The following AGAP1 variants were observed in gnomAD, a reference collection of about 807,000 sequenced individuals.
AGAP1 encodes the protein ArfGAP with GTPase domain, ankyrin repeat and PH domain 1.
A neutral mutation model predicts 105.3 loss-of-function variants in AGAP1; 29 were observed. The ratio of observed to expected loss-of-function variants is 0.28; its 90% CI spans 0.21 to 0.38. The LOEUF is 0.38. AGAP1 is among the 10% of genes least tolerant of loss of function. The probability of loss-of-function intolerance (pLI) is 1.00; values close to 1 mark genes in which losing one functional copy is unlikely to be tolerated. For synonymous variants in AGAP1, 509 were observed against 485.9 expected (o/e 1.05, Z -0.63); for missense variants, 998 against 1,165.1 (o/e 0.86, Z 2.09).
chr2:235,719,357 G>T lies in AGAP1; in HGVS notation c.310+1713G>T, dbSNP rs192893233. On this transcript the variant is annotated intron_variant, in intron 3 of 17. Coordinates refer to ENST00000304032, the MANE Select transcript of AGAP1 (RefSeq NM_001037131.3). The surrounding 1 kb of genome is among the most constrained non-coding windows in gnomAD (Gnocchi z 4.9). Reference sequence around the variant, plus strand: ...TGGCTTTTCGCTGTTTTCCCTTTGGGCATTCACAGTGTGTTCCATTGTATT... The same window carrying T: ...TGGCTTTTCGCTGTTTTCCCTTTGGTCATTCACAGTGTGTTCCATTGTATT... 2.0e-5 allele frequency among the ~76,000 whole-genome samples: 3 copies of T among 152,136 alleles called. No individual in the cohort carries two copies. Among genetic ancestry groups the T allele is most frequent in the South Asian group, 2.1e-4 (1 of 4,818 alleles).
intron 1 of AGAP1, among the ~76,000 whole-genome samples, chr2:235,564,757 G>C (rs1944288702): frequency 7.0e-6 from 1 of 142,534 alleles, no homozygotes. Flanking sequence ...CCCAGGGCCA[G>C]GTGTGAGCCT....
intron 9 of AGAP1, among the ~76,000 whole-genome samples, chr2:235,827,108 A>C (rs914630942): frequency 6.6e-6 from 1 of 152,202 alleles, no homozygotes; most frequent in African/African-American, 2.4e-5. Flanking sequence ...AGAGGAGAGG[A>C]AATACATCCC....
chr2:235,902,541 C>T (rs1243577621), intron 10 of AGAP1, among the ~76,000 whole-genome samples: 5 of 152,146 alleles, frequency 3.3e-5, no homozygotes, highest in Middle Eastern at 3.2e-3. Context: ...CATCATATAA[C>T]ATCAAAAATT....
intron 1 of AGAP1, among the ~76,000 whole-genome samples, chr2:235,511,393 A>AG (rs948598882): frequency 6.6e-6 from 1 of 151,736 alleles, no homozygotes; most frequent in African/African-American, 2.4e-5. Context: ...GCCCTCAGGG[A>AG]GGGGGGCAGC....
intron 1 of AGAP1, among the ~76,000 whole-genome samples, chr2:235,698,189 T>A (rs1559365231): frequency 1.3e-5 from 2 of 152,064 alleles, no homozygotes; most frequent in Non-Finnish European, 2.9e-5. Context: ...GAGACTCTAA[T>A]GCCGCCGCTG....
At chr2:236,099,022 C>T (rs779868350) in intron 16 of AGAP1, among the ~76,000 whole-genome samples, 7 of 152,022 alleles carry the variant, frequency 4.6e-5, no homozygotes, top group Non-Finnish European at 8.8e-5. Flanking sequence ...GTCCTAGGAG[C>T]AGACTAGCCC....
intron 1 of AGAP1, among the ~76,000 whole-genome samples, chr2:235,708,457 C>A (rs1034499187): frequency 6.6e-6 from 1 of 152,100 alleles, no homozygotes; most frequent in East Asian, 1.9e-4. Flanking sequence ...TGTGCACAGG[C>A]AGTCAGGGGA....
chr2:235,579,602 C>G (rs1442773066), intron 1 of AGAP1, among the ~76,000 whole-genome samples: 4 of 151,966 alleles, frequency 2.6e-5, no homozygotes, highest in African/African-American at 9.7e-5. Context: ...AGTGAAACCC[C>G]GTCTCTACTA....
intron 1 of AGAP1, among the ~76,000 whole-genome samples, chr2:235,619,245 G>T (rs1946399344): frequency 6.6e-6 from 1 of 152,198 alleles, no homozygotes; most frequent in Non-Finnish European, 1.5e-5. Flanking sequence ...AGGACAGGGC[G>T]ATCCCCACTT....
At position 235,957,907 on chromosome 2, in the gene AGAP1, A is replaced by C. The variant is rs914316677; in HGVS notation, c.1484-10555A>C. Among the ~76,000 whole-genome samples, 1 of 152,120 alleles carries C rather than the reference A, an allele frequency of 6.6e-6. No individual in the cohort carries two copies. Among genetic ancestry groups the C allele is most frequent in the Non-Finnish European group, 1.5e-5 (1 of 68,026 alleles). ...AATGGGCCTGTCTTTGATAATTTTA[A>C]ATTATTTTAATACCAAGCAAAAAAG... On this transcript the variant is annotated intron_variant, in intron 12 of 17. Coordinates refer to ENST00000304032, the MANE Select transcript of AGAP1 (RefSeq NM_001037131.3). The surrounding 1 kb of genome is among the most constrained non-coding windows in gnomAD (Gnocchi z 4.6).
chr2:235,516,079 G>A (rs1434961198), intron 1 of AGAP1, among the ~76,000 whole-genome samples: 1 of 147,898 alleles, frequency 6.8e-6, no homozygotes, highest in Non-Finnish European at 1.5e-5. Context: ...TGCTGCTGCT[G>A]CTGCTGCTGC....
chr2:235,745,140 G>A (rs1417674261), intron 5 of AGAP1, among the ~76,000 whole-genome samples: 1 of 151,798 alleles, frequency 6.6e-6, no homozygotes, highest in Admixed American at 6.6e-5. Flanking sequence ...TATATGTTTT[G>A]TATATATATA....
rs1444154261 is a variant in AGAP1 at position 235,877,738 on chromosome 2, C to T, written c.1051-5607C>T. Among the ~76,000 whole-genome samples the T allele has an allele frequency of 2.0e-5, 3 of 152,302 alleles. No homozygotes were observed. The highest frequency in any genetic ancestry group is 6.8e-3 in the Middle Eastern group (2 of 294). ...GAAATTATGGTTCCAGAGAAAATGA[C>T]AGGTTTCCCTTGCATCTCAAATTTG... On this transcript the variant is annotated intron_variant, in intron 9 of 17. Transcript: ENST00000304032. The surrounding 1 kb of genome is among the most constrained non-coding windows in gnomAD (Gnocchi z 4.3).
chr2:236,048,054 G>T (rs567745510), intron 15 of AGAP1, among the ~76,000 whole-genome samples: 2 of 152,326 alleles, frequency 1.3e-5, no homozygotes, highest in African/African-American at 4.8e-5. Flanking sequence ...TCTCCCCAGT[G>T]AGTCAAATGT....
At chr2:235,580,645 A>G (rs565095619) in intron 1 of AGAP1, among the ~76,000 whole-genome samples, 1 of 152,240 alleles carries the variant, frequency 6.6e-6, no homozygotes, top group Admixed American at 6.5e-5. Flanking sequence ...GAGTTTATTG[A>G]GAATGGTTTT....
At chr2:235,694,711 G>A (rs1416117858) in intron 1 of AGAP1, among the ~76,000 whole-genome samples, 6 of 152,108 alleles carry the variant, frequency 3.9e-5, no homozygotes, top group African/African-American at 1.4e-4. Context: ...GCTCCTCCTC[G>A]TCTTGCTCAG....
At chr2:235,509,395 C>A (rs1027573282) in intron 1 of AGAP1, among the ~76,000 whole-genome samples, 1 of 151,920 alleles carries the variant, frequency 6.6e-6, no homozygotes, top group Admixed American at 6.6e-5. Flanking sequence ...CAACCACGCC[C>A]GGCTAATTTT....
chr2:236,003,356 C>A lies in AGAP1; in HGVS notation c.1646-33205C>A, dbSNP rs887770756. Among the ~76,000 whole-genome samples, 1 of 152,286 alleles carries A rather than the reference C, an allele frequency of 6.6e-6. No individual in the cohort carries two copies. The highest frequency in any genetic ancestry group is 2.1e-4 in the South Asian group (1 of 4,822). On this transcript the variant is annotated intron_variant, in intron 13 of 17. Transcript: ENST00000304032. The surrounding 1 kb of genome is among the most constrained non-coding windows in gnomAD (Gnocchi z 4.2). ...CACCACGCCCAGCCCAGGATGCTTT[C>A]TTTTCATGGGTCTTTGTCCTTTGGA...
rs1378269777 is a variant in AGAP1, at chr2:235,967,582, C to T, written c.1484-880C>T. On this transcript the variant is annotated intron_variant, in intron 12 of 17. Transcript: ENST00000304032. This position sits in a 1 kb window ranked among gnomAD's most constrained non-coding sequence, Gnocchi z 4.7. ...TCAAAAAATACCAGCTGAATGAGTG[C>T]GGTGTGCTGTACAGAACTCTGACTT... 3.9e-5 allele frequency among the ~76,000 whole-genome samples: 6 copies of T among 152,304 alleles called. No homozygotes were observed. Among genetic ancestry groups the T allele is most frequent in the African/African-American group, 7.2e-5 (3 of 41,568 alleles).
Sources: allele counts gnomAD v4.1 joint callset (sites outside exome capture counted in the v4.1 genomes callset), GRCh38; gene constraint gnomAD v4.1.1; non-coding constraint Gnocchi (gnomAD v3.1); transcripts MANE v1.5; gene names NCBI Gene and HGNC (gene_info 2026-07-23, HGNC 2026-07-21).